The following EPS15 variants were observed in gnomAD, a reference collection of about 807,000 sequenced individuals.
The protein encoded by EPS15 is epidermal growth factor receptor pathway substrate 15.
Under a neutral mutation model 113.8 loss-of-function variants are expected in EPS15, and 72 were observed. The observed-to-expected ratio is 0.63, with a 90% CI of 0.52 to 0.77. EPS15 has a LOEUF of 0.77. Ranked by LOEUF, EPS15 falls within the 30% of genes least tolerant of loss-of-function variation. EPS15 has a pLI of 0.00. For missense variants in EPS15, 1,048 were observed against 1,045.8 expected, an observed-to-expected ratio of 1.00 and a Z score of -0.03; for synonymous variants, 344 against 363.4, an observed-to-expected ratio of 0.95 and a Z score of 0.61.
intron 15 of EPS15, among the ~76,000 whole-genome samples, chr1:51,407,575 A>C (rs1262152927): frequency 2.0e-5 from 3 of 152,222 alleles, no homozygotes; most frequent in African/African-American, 7.2e-5. Flanking sequence ...GGATCTATAC[A>C]TAAGACCAAC....
chr1:51,373,760 G>A (rs151197293), intron 21 of EPS15, among the ~76,000 whole-genome samples: 1 of 152,246 alleles, frequency 6.6e-6, no homozygotes, highest in African/African-American at 2.4e-5. Context: ...AGACCAGCCT[G>A]GCCAACATGG....
chr1:51,404,716 T>G (rs749773464), intron 16 of EPS15, among the ~76,000 whole-genome samples: 12 of 152,242 alleles, frequency 7.9e-5, no homozygotes, highest in Non-Finnish European at 1.2e-4. Context: ...TCTAAATTTC[T>G]CATCTTCTGG....
chr1:51,449,716 G>A (rs1653379196), intron 8 of EPS15, among the ~76,000 whole-genome samples: 1 of 151,718 alleles, frequency 6.6e-6, no homozygotes, highest in African/African-American at 2.4e-5. Context: ...ATCTCCCCAA[G>A]AATTTGGGGG....
intron 20 of EPS15, among the ~76,000 whole-genome samples, chr1:51,397,598 T>C (rs543068422): frequency 1.8e-4 from 27 of 152,286 alleles, no homozygotes; most frequent in African/African-American, 6.3e-4. Context: ...CTAAGTGCTA[T>C]AGGAAAACAG....
chr1:51,372,960 G>T, intron 21 of EPS15: 1 of 494,468 alleles, frequency 2.0e-6, no homozygotes, highest in Non-Finnish European at 3.3e-6. Flanking sequence ...TCTTCAATCT[G>T]CTGCCAGACA....
At chr1:51,515,973 G>A (rs1644708706) in intron 1 of EPS15, among the ~76,000 whole-genome samples, 1 of 152,090 alleles carries the variant, frequency 6.6e-6, no homozygotes, top group Non-Finnish European at 1.5e-5. Flanking sequence ...TAGGGATATG[G>A]GCGTTAGGGA....
intron 4 of EPS15, among the ~76,000 whole-genome samples, chr1:51,468,905 A>AT (rs1379444288): frequency 6.6e-6 from 1 of 152,194 alleles, no homozygotes; most frequent in African/African-American, 2.4e-5. Context: ...AGACGGGCAG[A>AT]TCACTTGAGG....
At chr1:51,510,536 G>T (rs1268713824) in intron 1 of EPS15, among the ~76,000 whole-genome samples, 1 of 152,052 alleles carries the variant, frequency 6.6e-6, no homozygotes, top group Non-Finnish European at 1.5e-5. Context: ...CTCAACAGTG[G>T]CATAAGAATG....
intron 2 of EPS15, among the ~76,000 whole-genome samples, chr1:51,476,517 T>G (rs139911801): frequency 6.6e-6 from 1 of 152,200 alleles, no homozygotes. Flanking sequence ...GATGGTATTT[T>G]GTATTTCTGT....
chr1:51,409,545 T>A lies in EPS15; in HGVS notation c.1265A>T (p.Glu422Val). Reference protein sequence around the residue: ...LKEVRKKCAEEAQLISSLKAE... With the variant: ...LKEVRKKCAEVAQLISSLKAE... ...ACAGCCAGACATTACCAGTTGGGCCTCCTCAGCACATTTCTTTCTGACTTC... is the reference window on the plus strand; with the variant it reads ...ACAGCCAGACATTACCAGTTGGGCCACCTCAGCACATTTCTTTCTGACTTC... Residue 422 changes from glutamate (E) to valine (V), a missense_variant, in exon 14 of 25, where the codon GAG (glutamate) becomes GTG (valine). Glu to Val is a moderately radical substitution (Grantham distance 121, BLOSUM62 -2). Coordinates refer to ENST00000371733, the MANE Select transcript of EPS15 (RefSeq NM_001981.3). The A allele has an allele frequency of 6.2e-7, 1 of 1,609,916 alleles. No homozygotes were observed. The highest frequency in any genetic ancestry group is 8.5e-7 in the Non-Finnish European group (1 of 1,178,946).
chr1:51,359,611 T>A (rs376263592), intron 24 of EPS15, among the ~76,000 whole-genome samples: 6 of 147,122 alleles, frequency 4.1e-5, no homozygotes, highest in Non-Finnish European at 7.5e-5. Flanking sequence ...AATACAAAAT[T>A]AGCCAGGTGT....
intron 17 of EPS15, among the ~76,000 whole-genome samples, chr1:51,402,975 A>G (rs763659476): frequency 6.6e-6 from 1 of 152,118 alleles, no homozygotes; most frequent in Non-Finnish European, 1.5e-5. Flanking sequence ...CCTTTAACAC[A>G]TTTTTCTCTT....
intron 1 of EPS15, among the ~76,000 whole-genome samples, chr1:51,508,338 G>GAGAAAGAAAGAAAGAA (rs369528436): frequency 0.018 from 2,238 of 122,248 alleles, 39 homozygotes; most frequent in Non-Finnish European, 0.023. Context: ...AAGAGAAAGA[G>GAGAAAGAAAGAAAGAA]AGAAAGAAAG....
intron 13 of EPS15, among the ~76,000 whole-genome samples, chr1:51,411,153 G>C (rs1439333042): frequency 6.6e-6 from 1 of 152,128 alleles, no homozygotes. Flanking sequence ...TGATTAAATA[G>C]AACACTGAAC....
chr1:51,474,237 G>A (rs949435178), intron 2 of EPS15, among the ~76,000 whole-genome samples: 1 of 152,222 alleles, frequency 6.6e-6, no homozygotes, highest in Non-Finnish European at 1.5e-5. Flanking sequence ...GAAGCTATAG[G>A]CCAGAAGCTG....
At chr1:51,428,543 T>C (rs1288517140) in intron 12 of EPS15, among the ~76,000 whole-genome samples, 2 of 152,138 alleles carry the variant, frequency 1.3e-5, no homozygotes, top group African/African-American at 2.4e-5. Context: ...AGGGTGAGAA[T>C]GGGCCAGGTG....
At chr1:51,512,067 C>A (rs528092772) in intron 1 of EPS15, among the ~76,000 whole-genome samples, 1 of 152,134 alleles carries the variant, frequency 6.6e-6, no homozygotes, top group Admixed American at 6.5e-5. Flanking sequence ...TTTCTTCTAC[C>A]TCATTTCTAT....
intron 20 of EPS15, chr1:51,396,999 G>T (rs1311539230): frequency 6.6e-6 from 1 of 151,802 alleles, no homozygotes; most frequent in African/African-American, 2.4e-5. Flanking sequence ...TACCACCTCA[G>T]TCTCTCGAGT....
intron 14 of EPS15, 124 bp from the exon 15 acceptor site, chr1:51,408,456 G>C: frequency 1.5e-6 from 1 of 674,188 alleles, no homozygotes; most frequent in South Asian, 1.9e-5. Flanking sequence ...GACAGCAATA[G>C]CAAATAATTT....
Sources: allele counts gnomAD v4.1 joint callset (sites outside exome capture counted in the v4.1 genomes callset), GRCh38; gene constraint gnomAD v4.1.1; transcripts MANE v1.5; gene names NCBI Gene and HGNC (gene_info 2026-07-23, HGNC 2026-07-21).